Variants in MEGF10 observed in about 807,000 individuals in gnomAD.
The protein encoded by MEGF10 is multiple EGF like domains 10.
Under a neutral mutation model 147.5 loss-of-function variants are expected in MEGF10, and 86 were observed. The observed-to-expected ratio is 0.58, with a 90% CI of 0.49 to 0.70. The LOEUF (loss-of-function observed/expected upper bound fraction) is 0.70, where lower values mean the gene tolerates loss of function less well. Ranked by LOEUF, MEGF10 falls within the 30% of genes least tolerant of loss-of-function variation. The pLI, the probability that MEGF10 is intolerant of heterozygous loss-of-function variation, is 0.00. For missense variants in MEGF10, 1,329 were observed against 1,487.3 expected (o/e 0.89, Z 1.75); for synonymous variants, 478 against 525.5 (o/e 0.91, Z 1.24).
chr5:127,282,843 T>C, the MEGF10 span, among the ~76,000 whole-genome samples: 481 of 152,312 alleles, frequency 3.2e-3, 4 homozygotes, highest in African/African-American at 0.011. Flanking sequence ...AAAACCTAAG[T>C]TCAGTCAAAT....
At chr5:127,428,378 G>C (rs1204266252) in intron 13 of MEGF10, among the ~76,000 whole-genome samples, 2 of 152,076 alleles carry the variant, frequency 1.3e-5, no homozygotes, top group African/African-American at 4.8e-5. Context: ...GAGAGGAAGT[G>C]AAGCCAACTC....
chr5:127,433,395 C>T lies in MEGF10; in HGVS notation c.1726C>T (p.Arg576Cys), dbSNP rs143087353. ...CTGTGACAGCGTGTGTGCTGAGGGACGCTGGGGCCCCAACTGCTCCCTGCC... is the reference window on the plus strand; with the variant it reads ...CTGTGACAGCGTGTGTGCTGAGGGATGCTGGGGCCCCAACTGCTCCCTGCC... ...VHCDSVCAEG[R>C]WGPNCSLPCY... Residue 576 changes from arginine (R) to cysteine (C), a missense_variant, in exon 14 of 25, where the codon CGC (arginine) becomes TGC (cysteine). Physicochemically the swap from Arg to Cys is radical, Grantham distance 180 (BLOSUM62 -3). This residue lies in a region of MEGF10 where 980 missense variants were observed against 1,085.9 expected (regional missense o/e 0.90). Coordinates refer to ENST00000503335, the MANE Select transcript of MEGF10 (RefSeq NM_001256545.2). The T allele has an allele frequency of 1.2e-4, 196 of 1,614,048 alleles. No homozygotes were observed. The highest frequency in any genetic ancestry group is 1.6e-4 in the Middle Eastern group (1 of 6,084).
chr5:127,324,570 A>T (rs932765530), intron 1 of MEGF10, among the ~76,000 whole-genome samples: 1 of 152,106 alleles, frequency 6.6e-6, no homozygotes, highest in African/African-American at 2.4e-5. Flanking sequence ...CACCCTAGGA[A>T]GGTCGTTCCA....
At chr5:127,245,614 T>C in the MEGF10 span, among the ~76,000 whole-genome samples, 3 of 152,102 alleles carry the variant, frequency 2.0e-5, no homozygotes, top group Non-Finnish European at 4.4e-5. Flanking sequence ...AAATGCAATC[T>C]AATTAAACTA....
chr5:127,303,653 T>A (rs1759878522), intron 1 of MEGF10, among the ~76,000 whole-genome samples: 1 of 152,206 alleles, frequency 6.6e-6, no homozygotes, highest in Non-Finnish European at 1.5e-5. Context: ...CCTGCCCTCC[T>A]GGAGTTGCAT....
intron 4 of MEGF10, among the ~76,000 whole-genome samples, chr5:127,354,683 T>C (rs1036495192): frequency 3.9e-5 from 6 of 152,208 alleles, no homozygotes; most frequent in Non-Finnish European, 2.9e-5. Flanking sequence ...CACACCTGGC[T>C]AAAGGCTCCT....
At chr5:127,422,513 CA>C (rs890844809) in intron 12 of MEGF10, among the ~76,000 whole-genome samples, 156 bp from the exon 13 acceptor site, 1 of 149,614 alleles carries the variant, frequency 6.7e-6, no homozygotes, top group Admixed American at 6.6e-5. Flanking sequence ...GACTCCATCT[CA>C]AAAAAAAAGA....
At position 127,422,732 on chromosome 5, in the gene MEGF10, C is replaced by T. The variant is rs760467865; in HGVS notation, c.1653C>T (p.His551=). The T allele has an allele frequency of 5.0e-6, 8 of 1,614,094 alleles. No homozygotes were observed. The South Asian group carries it at 7.7e-5, about 16-fold the overall frequency. ...RCDCSHADGC[H]PTTGHCRCLP... Reference sequence around the variant, plus strand: ...ACTGCAGCCACGCAGATGGCTGCCACCCTACCACGGGCCATTGCCGCTGCC... The same window carrying T: ...ACTGCAGCCACGCAGATGGCTGCCATCCTACCACGGGCCATTGCCGCTGCC... Residue 551 remains histidine (H), a synonymous_variant, in exon 13 of 25, where the codon CAC becomes CAT. Transcript: ENST00000503335.
At chr5:127,430,472 G>A (rs1765356257) in intron 13 of MEGF10, among the ~76,000 whole-genome samples, 1 of 152,102 alleles carries the variant, frequency 6.6e-6, no homozygotes, top group Non-Finnish European at 1.5e-5. Flanking sequence ...TCATATACCT[G>A]GTGCGACTTA....
chr5:127,457,151 G>A lies in MEGF10; in HGVS notation c.3256G>A (p.Gly1086Arg). The stretch of plus-strand genomic sequence containing the variant: ...AGAACCTACAGTGAGTGTTGTCCAA[G>A]GAGTATTCAGCAATAATGGGCGTCT... ...EVEPTVSVVQ[G>R]VFSNNGRLSQ... is the part of the protein sequence containing the mutation. Residue 1086 changes from glycine to arginine, a missense_variant, in exon 25 of 25, where the codon GGA becomes AGA. By Grantham distance (125) the Gly-to-Arg change is moderately radical. Around this residue, in one of 3 missense-constraint regions of MEGF10, gnomAD observed 343 missense variants for 377.9 expected, o/e 0.91. Transcript: ENST00000503335. The A allele has an allele frequency of 5.0e-6, 8 of 1,613,594 alleles. No homozygotes were observed. Among genetic ancestry groups the A allele is most frequent in the Non-Finnish European group, 6.8e-6 (8 of 1,179,790 alleles).
At chr5:127,293,771 C>T (rs1759369461) in intron 1 of MEGF10, among the ~76,000 whole-genome samples, 1 of 152,190 alleles carries the variant, frequency 6.6e-6, no homozygotes, top group African/African-American at 2.4e-5. Flanking sequence ...CAGGGCTTCA[C>T]CCCAGAAGTA....
At chr5:127,452,709 G>C (rs1242110559) in intron 22 of MEGF10, among the ~76,000 whole-genome samples, 1 of 152,152 alleles carries the variant, frequency 6.6e-6, no homozygotes, top group East Asian at 1.9e-4. Context: ...ACACTATCCG[G>C]TGTATCCCTG....
the MEGF10 span, among the ~76,000 whole-genome samples, chr5:127,236,420 A>C: frequency 6.6e-6 from 1 of 152,204 alleles, no homozygotes; most frequent in Non-Finnish European, 1.5e-5. Flanking sequence ...TGTTCAGTAC[A>C]ACTTTGTTTA....
At chr5:127,445,251 T>C (rs1022574448) in intron 19 of MEGF10, 1 of 574,072 alleles carries the variant, frequency 1.7e-6, no homozygotes. Flanking sequence ...TTTTGAGGCT[T>C]ACAGCAGCCT....
chr5:127,280,790 A>T, the MEGF10 span, among the ~76,000 whole-genome samples: 1 of 152,192 alleles, frequency 6.6e-6, no homozygotes, highest in Non-Finnish European at 1.5e-5. Flanking sequence ...CTCATTTTGC[A>T]CAAAGCACCT....
the MEGF10 span, among the ~76,000 whole-genome samples, chr5:127,251,099 C>A: frequency 6.6e-6 from 1 of 152,030 alleles, no homozygotes; most frequent in Non-Finnish European, 1.5e-5. Flanking sequence ...ACTTAACATG[C>A]TATTTTATTG....
intron 1 of MEGF10, among the ~76,000 whole-genome samples, chr5:127,296,962 G>T (rs1042810271): frequency 2.0e-5 from 3 of 151,902 alleles, no homozygotes; most frequent in Admixed American, 2.0e-4. Flanking sequence ...AGTTTTTTTT[G>T]TTTTGTTTTG....
chr5:127,249,573 T>C, the MEGF10 span, among the ~76,000 whole-genome samples: 8 of 152,000 alleles, frequency 5.3e-5, no homozygotes, highest in Admixed American at 3.3e-4. Context: ...AATGTAAATG[T>C]ACTAAATATT....
chr5:127,406,650 C>T (rs534575411), intron 8 of MEGF10, among the ~76,000 whole-genome samples: 478 of 152,224 alleles, frequency 3.1e-3, no homozygotes, highest in African/African-American at 0.011. Flanking sequence ...GACAGTCCTC[C>T]CCGCCAGAGA....
Sources: allele counts gnomAD v4.1 joint callset (sites outside exome capture counted in the v4.1 genomes callset), GRCh38; gene constraint gnomAD v4.1.1; regional missense constraint gnomAD v4.1.1; transcripts MANE v1.5; gene names NCBI Gene and HGNC (gene_info 2026-07-23, HGNC 2026-07-21).